GNL3: variants seen among roughly 807,000 people sequenced by gnomAD.
GNL3 encodes the protein guanine nucleotide-binding protein-like 3.
A neutral mutation model predicts 70.6 loss-of-function variants in GNL3; 77 were observed. The ratio of observed to expected loss-of-function variants is 1.09; its 90% CI spans 0.91 to 1.32. The LOEUF is 1.32. GNL3 is among the 40% of genes most tolerant of loss of function. The pLI is 0.00. For missense variants in GNL3, 634 were observed against 644.0 expected, an observed-to-expected ratio of 0.98 and a Z score of 0.17; for synonymous variants, 252 against 216.1, an observed-to-expected ratio of 1.17 and a Z score of -1.46.
rs774032143 is a variant in GNL3, at chr3:52,693,656, A to G, written c.1349A>G (p.Asn450Ser). ...IRAIKGPHLA[N>S]SILFQSSGLT... ...GCCATCAAGGGCCCTCATTTGGCCA[A>G]TAGCATCCTTTTCCAGTCTTCCGGT... The change falls in exon 13 of 15, where the codon AAT becomes AGT. Residue 450 changes from asparagine to serine, a missense_variant. Physicochemically the swap from Asn to Ser is conservative, Grantham distance 46. Coordinates refer to ENST00000418458, the MANE Select transcript of GNL3 (RefSeq NM_014366.5). 1.9e-6 allele frequency: 3 copies of G among 1,614,062 alleles called. No individual in the cohort carries two copies. The highest frequency in any genetic ancestry group is 2.5e-6 in the Non-Finnish European group (3 of 1,180,014).
Position 52,688,168 on chromosome 3 carries a change from G to C in GNL3, c.384G>C (p.Lys128Asn). ...AGTCGGGCAAACAGAATTCAAAGAA[G>C]CTGTACTGCCAAGAACTTAAAAAGG... The part of the protein sequence containing the change: ...KAKSGKQNSK[K>N]LYCQELKKVI... Residue 128 changes from lysine to asparagine, a missense_variant, in exon 5 of 15, where the codon AAG becomes AAC. By Grantham distance (94) the Lys-to-Asn change is moderately conservative (BLOSUM62 0). Transcript: ENST00000418458. 6.2e-7 allele frequency: 1 copy of C among 1,607,868 alleles called. No homozygotes were observed. Among genetic ancestry groups the C allele is most frequent in the Non-Finnish European group, 8.5e-7 (1 of 1,174,294 alleles).
intron 10 of GNL3, 69 bp downstream of exon 10, chr3:52,693,115 A>G (rs974570265): frequency 2.5e-6 from 4 of 1,599,748 alleles, no homozygotes; most frequent in Non-Finnish European, 3.4e-6. Flanking sequence ...TGAGTAGAAA[A>G]ATCTTGGAAG....
chr3:52,687,673 CT>C, intron 4 of GNL3, 58 bp downstream of exon 4: 1 of 1,086,970 alleles, frequency 9.2e-7, no homozygotes, highest in South Asian at 1.4e-5. Context: ...GGTTTTTTTG[CT>C]TGGGCCTGAG....
At chr3:52,690,895 G>T in intron 7 of GNL3, 50 bp from the exon 8 acceptor site, 2 of 1,600,006 alleles carry the variant, frequency 1.3e-6, no homozygotes. Context: ...GGGGTTTGTT[G>T]AAATTTATCA....
chr3:52,693,885 G>C (rs760973382), intron 13 of GNL3, 78 bp downstream of exon 13: 15 of 1,388,358 alleles, frequency 1.1e-5, no homozygotes, highest in Non-Finnish European at 1.5e-5. Context: ...ACTGAAGATA[G>C]GAAATATTTG....
chr3:52,686,433 C>G (rs1483055741), intron 1 of GNL3: 2 of 570,906 alleles, frequency 3.5e-6, no homozygotes, highest in East Asian at 3.0e-5. Flanking sequence ...CAGGTGAGAG[C>G]TGAGAATCGC....
Position 52,687,233 on chromosome 3 carries a change from T to C in GNL3, c.73-13T>C. Reference sequence around the variant, plus strand: ...TATTTTTGTAAGCAGACAAAATCTCTTTATTTTAATAGGTTCGAGAACATC... The same window carrying C: ...TATTTTTGTAAGCAGACAAAATCTCCTTATTTTAATAGGTTCGAGAACATC... On this transcript the variant is annotated splice_polypyrimidine_tract_variant and intron_variant, in intron 2 of 14. Coordinates refer to ENST00000418458, the MANE Select transcript of GNL3 (RefSeq NM_014366.5). 1 of 1,596,852 alleles carries C rather than the reference T, an allele frequency of 6.3e-7. No homozygotes were observed. Among genetic ancestry groups the C allele is most frequent in the Non-Finnish European group, 8.5e-7 (1 of 1,172,610 alleles).
At chr3:52,686,492 C>G (rs1423387411) in intron 1 of GNL3, 5 of 570,982 alleles carry the variant, frequency 8.8e-6, no homozygotes, top group Non-Finnish European at 1.2e-5. Context: ...TGCTGTTTGA[C>G]ACGAAGTGGT....
chr3:52,687,164 C>G, intron 2 of GNL3, 82 bp from the exon 3 acceptor site: 1 of 1,180,246 alleles, frequency 8.5e-7, no homozygotes, highest in Non-Finnish European at 1.2e-6. Context: ...AACTAAATTG[C>G]AGCCAGATTG....
intron 6 of GNL3, among the ~76,000 whole-genome samples, chr3:52,690,332 A>G (rs2097326050): frequency 6.6e-6 from 1 of 152,008 alleles, no homozygotes; most frequent in Non-Finnish European, 1.5e-5. Context: ...GCGCCATCTC[A>G]GCTCACTGCA....
Position 52,686,117 on chromosome 3 carries a change from C to T in GNL3, c.13+12C>T, listed in dbSNP as rs773579745. 4 of 1,568,986 alleles carry T rather than the reference C, an allele frequency of 2.5e-6. No individual in the cohort carries two copies. The South Asian group carries it at 4.4e-5, about 17-fold the overall frequency. ...TATGAAAAGGCCTAGTAAGTGGGGT[C>T]GGGAGGCGGGCGTGGAGGGACCCAC... On this transcript the variant is annotated intron_variant, in intron 1 of 14. Transcript: ENST00000418458.
Position 52,690,606 on chromosome 3 carries a change from G to T in GNL3, c.556G>T (p.Glu186Ter). 1 of 1,599,430 alleles carries T rather than the reference G, an allele frequency of 6.3e-7. No individual in the cohort carries two copies. The highest frequency in any genetic ancestry group is 2.2e-5 in the East Asian group (1 of 44,808). ...ATTGCTATCAGATCTGGTACCAAAG[G>T]AGAATTTGGAGAGCTGGCTAAATTA... is the stretch of plus-strand genomic sequence containing the variant. ...ILNKSDLVPK[E>*]NLESWLNYLK... Residue 186 changes from glutamate (E) to a stop codon, truncating the protein, a stop_gained, in exon 7 of 15, where the codon GAG (glutamate) becomes TAG (stop). Coordinates refer to ENST00000418458, the MANE Select transcript of GNL3 (RefSeq NM_014366.5). LOFTEE classifies it high-confidence loss of function.
At position 52,690,453 on chromosome 3, in the gene GNL3, C is replaced by CGG. The variant is rs1578575990; in HGVS notation, c.542-136_542-135dup. The CGG allele has an allele frequency of 1.4e-5, 8 of 562,768 alleles. No individual in the cohort carries two copies. The East Asian group carries it at 2.6e-4, about 18-fold the overall frequency. 34.9% of individuals were successfully genotyped at this position (562,768 alleles called of 1,614,324 possible). A position where few individuals can be genotyped will look rare whatever the true frequency, so the allele number is the denominator to read the frequency against. Reference sequence around the variant, plus strand: ...AATTTTTTTGTATTTTTAGTAGAGACGGGGTTTTATCGTGTTAGCCAGGAT... The same window carrying CGG: ...AATTTTTTTGTATTTTTAGTAGAGACGGGGGGTTTTATCGTGTTAGCCAGGAT... On this transcript the variant is annotated intron_variant, in intron 6 of 14. Coordinates refer to ENST00000418458, the MANE Select transcript of GNL3 (RefSeq NM_014366.5).
Position 52,689,199 on chromosome 3 carries a change from TAAATC to T in GNL3, c.536_540del (p.Lys179ArgfsTer33). The T allele has an allele frequency of 6.2e-7, 1 of 1,613,350 alleles. No homozygotes were observed. The highest frequency in any genetic ancestry group is 8.5e-7 in the Non-Finnish European group (1 of 1,179,310). On this transcript the variant is annotated frameshift_variant and splice_region_variant, in exon 6 of 15. Transcript: ENST00000418458. LOFTEE classifies it high-confidence loss of function. ...AGAAAAAGCTGGTACTTATATTAAATAAATCAGGTGAGTAAAGAGGGTACCCTTTG... is the reference window on the plus strand; with the variant it reads ...AGAAAAAGCTGGTACTTATATTAAATAGGTGAGTAAAGAGGGTACCCTTTG...
intron 1 of GNL3, 68 bp from the exon 2 acceptor site, chr3:52,686,701 A>G: frequency 8.5e-7 from 1 of 1,175,466 alleles, no homozygotes; most frequent in Non-Finnish European, 1.3e-6. Context: ...AAAAGGATAT[A>G]ACTCCATAGT....
intron 9 of GNL3, among the ~76,000 whole-genome samples, chr3:52,691,850 G>C (rs2097327672): frequency 6.6e-6 from 1 of 151,944 alleles, no homozygotes; most frequent in African/African-American, 2.4e-5. Context: ...TTACAGGCAT[G>C]TGCCCCCACG....
At position 52,693,670 on chromosome 3, in the gene GNL3, C is replaced by T. The variant is rs368423755; in HGVS notation, c.1363C>T (p.Gln455Ter). The T allele has an allele frequency of 6.2e-7, 1 of 1,614,114 alleles. No individual in the cohort carries two copies. Among genetic ancestry groups the T allele is most frequent in the Non-Finnish European group, 8.5e-7 (1 of 1,180,010 alleles). Residue 455 changes from glutamine to a stop codon, truncating the protein, a stop_gained, in exon 13 of 15, where the codon CAG becomes TAG. Coordinates refer to ENST00000418458, the MANE Select transcript of GNL3 (RefSeq NM_014366.5). LOFTEE classifies it high-confidence loss of function. ...GPHLANSILF[Q>*]SSGLTNGIIE... is the part of the protein sequence containing the mutation. ...TCATTTGGCCAATAGCATCCTTTTCCAGTCTTCCGGTCTGACAAATGGAAT... is the reference window on the plus strand; with the variant it reads ...TCATTTGGCCAATAGCATCCTTTTCTAGTCTTCCGGTCTGACAAATGGAAT...
rs138566929 is a variant in GNL3, at chr3:52,687,529, C to T, written c.238C>T (p.Leu80Phe). The stretch of plus-strand genomic sequence containing the variant: ...TGAAGAACTAAAACAGCAGCAGAAA[C>T]TTGACAGGCAGAAGGAACTAGAAAA... The part of the protein sequence containing the change: ...RLEELKQQQK[L>F]DRQKELEKKR... Residue 80 changes from leucine to phenylalanine, a missense_variant, in exon 4 of 15, where the codon CTT (leucine) becomes TTT (phenylalanine). By Grantham distance (22) the Leu-to-Phe change is conservative. Coordinates refer to ENST00000418458, the MANE Select transcript of GNL3 (RefSeq NM_014366.5). 666 of 1,613,624 alleles carry T rather than the reference C, an allele frequency of 4.1e-4. 1 individual carries two copies. The African/African-American group carries it at 8.1e-3, about 20-fold the overall frequency.
Position 52,686,630 on chromosome 3 carries a change from AT to A in GNL3, c.14-138del, listed in dbSNP as rs1446114403. The A allele has an allele frequency of 6.7e-4, 440 of 653,702 alleles. 2 individuals are homozygous for A. The highest frequency in any genetic ancestry group is 4.4e-4 in the Non-Finnish European group (163 of 368,530). The allele number at this position is 653,702 out of a possible 1,614,324, so 40.5% of individuals were successfully genotyped here. ...TCTCTGGGATTTGAAAGTAGCACGT[AT>A]GTTTGCATTAGGCATTTCGCATTAG... On this transcript the variant is annotated intron_variant, in intron 1 of 14. Transcript: ENST00000418458.
Sources: gnomAD v4.1 joint callset for allele counts (sites outside exome capture counted in the v4.1 genomes callset) on GRCh38, gnomAD v4.1.1 for gene constraint, MANE v1.5 for transcripts, NCBI Gene and HGNC (gene_info 2026-07-23, HGNC 2026-07-21) for gene names.